The following REC114 variants were observed in gnomAD, a reference collection of about 807,000 sequenced individuals.
The protein encoded by REC114 is meiotic recombination protein REC114.
Under a neutral mutation model 31.3 loss-of-function variants are expected in REC114, and 27 were observed. The observed-to-expected ratio is 0.86, with a 90% CI of 0.64 to 1.19. The LOEUF (loss-of-function observed/expected upper bound fraction) is 1.19, where lower values mean the gene tolerates loss of function less well. Ranked by LOEUF, REC114 falls within the 50% of genes most tolerant of loss-of-function variation. The pLI, the probability that REC114 is intolerant of heterozygous loss-of-function variation, is 0.00. For missense variants in REC114, 344 were observed against 326.9 expected (o/e 1.05, Z -0.40); for synonymous variants, 134 against 127.7 (o/e 1.05, Z -0.33).
chr15:73,517,126 T>C (rs1046801994), intron 2 of REC114, among the ~76,000 whole-genome samples: 3 of 152,206 alleles, frequency 2.0e-5, no homozygotes, highest in African/African-American at 7.2e-5. Context: ...TTCTTGGCTG[T>C]TTATGATCTT....
intron 2 of REC114, among the ~76,000 whole-genome samples, chr15:73,493,763 T>C (rs1162767901): frequency 6.6e-6 from 1 of 152,242 alleles, no homozygotes; most frequent in Admixed American, 6.5e-5. Context: ...AATCAGTTTT[T>C]TGCTAGCCAC....
At chr15:73,531,411 G>T (rs1343041801) in intron 2 of REC114, among the ~76,000 whole-genome samples, 1 of 151,974 alleles carries the variant, frequency 6.6e-6, no homozygotes, top group African/African-American at 2.4e-5. Flanking sequence ...TGATAGCAGG[G>T]GCCACGGAGT....
intron 1 of REC114, among the ~76,000 whole-genome samples, chr15:73,461,653 A>G (rs185116100): frequency 7.2e-5 from 11 of 152,226 alleles, no homozygotes; most frequent in East Asian, 3.9e-4. Context: ...TGTTTAACCA[A>G]TATATAGGTT....
chr15:73,497,146 A>G (rs79937268), intron 2 of REC114, among the ~76,000 whole-genome samples: 4,833 of 152,268 alleles, frequency 0.032, 116 homozygotes, highest in Non-Finnish European at 0.051. Flanking sequence ...CTTTGTAATT[A>G]ACAACTATGT....
At chr15:73,523,273 C>T (rs891232715) in intron 2 of REC114, among the ~76,000 whole-genome samples, 1 of 151,562 alleles carries the variant, frequency 6.6e-6, no homozygotes, top group African/African-American at 2.4e-5. Flanking sequence ...ACAGCAGATT[C>T]AGAGACTCCA....
intron 2 of REC114, among the ~76,000 whole-genome samples, chr15:73,491,440 G>A (rs953579560): frequency 7.2e-5 from 11 of 152,000 alleles, no homozygotes; most frequent in Admixed American, 4.6e-4. Context: ...TTTCCAGTTT[G>A]GGGAAATTAT....
At chr15:73,523,096 T>G (rs1365094828) in intron 2 of REC114, among the ~76,000 whole-genome samples, 1 of 152,200 alleles carries the variant, frequency 6.6e-6, no homozygotes, top group Non-Finnish European at 1.5e-5. Flanking sequence ...TGTTGAAATA[T>G]TTTGCCTATT....
chr15:73,490,819 A>G (rs1456981550), intron 2 of REC114, among the ~76,000 whole-genome samples: 1 of 135,926 alleles, frequency 7.4e-6, no homozygotes, highest in African/African-American at 3.2e-5. Context: ...CGCCCCCACC[A>G]AAAAAAAATT....
intron 3 of REC114, among the ~76,000 whole-genome samples, chr15:73,542,480 A>G (rs1336026326): frequency 6.6e-6 from 1 of 152,044 alleles, no homozygotes; most frequent in Non-Finnish European, 1.5e-5. Context: ...CTGCAGCTCT[A>G]CTATATTTCC....
chr15:73,486,640 G>C (rs1386402020), intron 2 of REC114, among the ~76,000 whole-genome samples: 3 of 152,172 alleles, frequency 2.0e-5, no homozygotes, highest in Non-Finnish European at 4.4e-5. Context: ...GGTGCCAGCA[G>C]GATTCGTGTC....
intron 3 of REC114, among the ~76,000 whole-genome samples, chr15:73,550,245 T>G (rs945268894): frequency 6.6e-6 from 1 of 152,224 alleles, no homozygotes; most frequent in African/African-American, 2.4e-5. Flanking sequence ...ACTTAGATGT[T>G]TTTATACTTG....
intron 2 of REC114, among the ~76,000 whole-genome samples, chr15:73,482,228 TC>T (rs1893304698): frequency 2.6e-5 from 4 of 152,298 alleles, no homozygotes; most frequent in African/African-American, 7.2e-5. Flanking sequence ...TGAAATGTAA[TC>T]CCCAGTGTTG....
At chr15:73,490,819 A>C (rs1456981550) in intron 2 of REC114, among the ~76,000 whole-genome samples, 2 of 135,926 alleles carry the variant, frequency 1.5e-5, no homozygotes, top group Non-Finnish European at 3.1e-5. Context: ...CGCCCCCACC[A>C]AAAAAAAATT....
intron 2 of REC114, among the ~76,000 whole-genome samples, chr15:73,515,090 C>T (rs1169497888): frequency 6.6e-6 from 1 of 152,042 alleles, no homozygotes; most frequent in Non-Finnish European, 1.5e-5. Flanking sequence ...TAGGCATGCA[C>T]CACAATGCCT....
At chr15:73,445,261 G>A (rs1264705416) in intron 1 of REC114, among the ~76,000 whole-genome samples, 5 of 152,170 alleles carry the variant, frequency 3.3e-5, no homozygotes, top group Non-Finnish European at 7.3e-5. Flanking sequence ...CTTTAGCTAT[G>A]AACGTCCTAG....
chr15:73,528,121 GA>G (rs1404460998), intron 2 of REC114, among the ~76,000 whole-genome samples: 2 of 152,006 alleles, frequency 1.3e-5, no homozygotes, highest in African/African-American at 4.8e-5. Context: ...TCATTATTTT[GA>G]AAGCTGACAA....
At chr15:73,534,343 G>A (rs931797395) in intron 2 of REC114, among the ~76,000 whole-genome samples, 5 of 152,062 alleles carry the variant, frequency 3.3e-5, no homozygotes, top group African/African-American at 1.2e-4. Flanking sequence ...AATGATAAAG[G>A]GGATATCACC....
In REC114 at chr15:73,471,372, TTTC is replaced by T. The variant is rs201262916; in HGVS notation, c.160-2457_160-2455del. Among the ~76,000 whole-genome samples, 407 of 151,880 alleles carry T rather than the reference TTTC, an allele frequency of 2.7e-3. 2 individuals carry two copies. The highest frequency in any genetic ancestry group is 9.5e-3 in the African/African-American group (392 of 41,160). ...CAAAGAAATGGAAGGAAAGAATTAA[TTTC>T]TTAAGTGTTGCATATAGAAACCTGA... is the stretch of plus-strand genomic sequence containing the variant. On this transcript the variant is annotated intron_variant, in intron 1 of 5. Transcript: ENST00000331090.
At chr15:73,506,430 A>G (rs1893678158) in intron 2 of REC114, among the ~76,000 whole-genome samples, 1 of 152,220 alleles carries the variant, frequency 6.6e-6, no homozygotes, top group Non-Finnish European at 1.5e-5. Context: ...AATACTTATG[A>G]AATCTAAAAA....
Sources: gnomAD v4.1 joint callset for allele counts (sites outside exome capture counted in the v4.1 genomes callset) on GRCh38, gnomAD v4.1.1 for gene constraint, MANE v1.5 for transcripts, NCBI Gene and HGNC (gene_info 2026-07-23, HGNC 2026-07-21) for gene names.